Variants in MBTPS1 observed in about 807,000 individuals in gnomAD.
The protein encoded by MBTPS1 is membrane-bound transcription factor site-1 protease.
Under a neutral mutation model 127.8 loss-of-function variants are expected in MBTPS1, and 94 were observed. The ratio of observed to expected loss-of-function variants is 0.74; its 90% confidence interval spans 0.62 to 0.87. The LOEUF (loss-of-function observed/expected upper bound fraction) is 0.87. Among genes scored for constraint, MBTPS1 ranks in the 40% least tolerant of loss-of-function variants. The pLI is 0.00. For missense variants in MBTPS1, 1,636 were observed against 1,353.2 expected (o/e 1.21, Z -3.28); for synonymous variants, 632 against 509.4 (o/e 1.24, Z -3.24).
intron 9 of MBTPS1, chr16:84,085,866 A>G (rs1178674986): frequency 6.6e-6 from 1 of 152,154 alleles, no homozygotes; most frequent in Non-Finnish European, 1.5e-5. Flanking sequence ...AAAAAAACCC[A>G]AACATGTTTC....
chr16:84,101,893 G>T lies in MBTPS1; in HGVS notation c.-110C>A. ...CTAAAAGCTGCAACATTACTAATCA[G>T]CCATCTTACAGTCTTGCCCAACATA... On this transcript the variant is annotated 5_prime_UTR_variant, in exon 2 of 23. In the 5' UTR this introduces an upstream ATG that the reference lacks. Transcript: ENST00000343411. 2.1e-6 allele frequency: 2 copies of T among 968,274 alleles called. No homozygotes were observed. The highest frequency in any genetic ancestry group is 3.2e-6 in the Non-Finnish European group (2 of 630,462). 60.0% of individuals were successfully genotyped at this position (968,274 alleles called of 1,614,324 possible). A position where few individuals can be genotyped will look rare whatever the true frequency, so the allele number is the denominator to read the frequency against.
At chr16:84,087,644 C>T (rs2086049946) in intron 8 of MBTPS1, among the ~76,000 whole-genome samples, 184 bp from the exon 9 acceptor site, 1 of 152,142 alleles carries the variant, frequency 6.6e-6, no homozygotes, top group South Asian at 2.1e-4. Flanking sequence ...GATCCTGCCA[C>T]GTTCATGCTG....
rs71382894 is a variant in MBTPS1 at position 84,097,837 on chromosome 16, CGTGTGTGT to C, written c.421+1208_421+1215del. ...TTACTATGAAAATTAAACTTCTCTTCGTGTGTGTGTGTGTGTGTGTGTGTGTGTGTGTG... is the reference window on the plus strand; with the variant it reads ...TTACTATGAAAATTAAACTTCTCTTCGTGTGTGTGTGTGTGTGTGTGTGTG... On this transcript the variant is annotated intron_variant, in intron 3 of 22. Transcript: ENST00000343411. 1.1e-3 allele frequency among the ~76,000 whole-genome samples: 159 copies of C among 143,130 alleles called. 1 individual carries two copies. Among genetic ancestry groups the C allele is most frequent in the African/African-American group, 3.4e-3 (132 of 39,096 alleles). The allele number at this position is 143,130 out of a possible 152,430, so 93.9% of individuals were successfully genotyped here.
chr16:84,093,418 C>G, intron 5 of MBTPS1, 121 bp from the exon 6 acceptor site: 1 of 715,370 alleles, frequency 1.4e-6, no homozygotes. Flanking sequence ...AGGAGGGCCT[C>G]TGCTGCTGCT....
At chr16:84,083,477 G>A (rs533388828) in intron 10 of MBTPS1, among the ~76,000 whole-genome samples, 2 of 151,130 alleles carry the variant, frequency 1.3e-5, no homozygotes, top group Non-Finnish European at 2.9e-5. Flanking sequence ...TTTTGGTAGA[G>A]ATGAGGTCTC....
chr16:84,091,321 A>G (rs1458199402), intron 7 of MBTPS1, among the ~76,000 whole-genome samples: 1 of 152,018 alleles, frequency 6.6e-6, no homozygotes, highest in East Asian at 1.9e-4. Flanking sequence ...CCCCGTCTCT[A>G]CTAAAAATAG....
At chr16:84,065,309 G>C (rs563191332) in intron 18 of MBTPS1, among the ~76,000 whole-genome samples, 6 of 152,240 alleles carry the variant, frequency 3.9e-5, no homozygotes, top group Admixed American at 2.0e-4. Flanking sequence ...AGTAGAGACA[G>C]GGTTTCACTG....
chr16:84,060,660 G>A, intron 20 of MBTPS1, 22 bp downstream of exon 20: 2 of 1,608,228 alleles, frequency 1.2e-6, no homozygotes, highest in Non-Finnish European at 1.7e-6. Context: ...CCCTCCCCAA[G>A]GCATCCTGCC....
In MBTPS1 at chr16:84,054,350, C is replaced by T. The variant is rs546338843; in HGVS notation, c.*99G>A. On this transcript the variant is annotated 3_prime_UTR_variant, in exon 23 of 23. Coordinates refer to ENST00000343411, the MANE Select transcript of MBTPS1 (RefSeq NM_003791.4). ...ACTCTAACAAACCTGCAGCTGGAAA[C>T]TGGATCCCTTTTAAACCAGCCGCCA... 2.3e-5 allele frequency: 25 copies of T among 1,102,820 alleles called. No individual in the cohort carries two copies. In the African/African-American group the frequency reaches 3.2e-4, roughly 14 times the overall value. The allele number at this position is 1,102,820 out of a possible 1,614,324, so 68.3% of individuals were successfully genotyped here. A position where few individuals can be genotyped will look rare whatever the true frequency, so the allele number is the denominator to read the frequency against.
intron 16 of MBTPS1, 115 bp downstream of exon 16, chr16:84,067,552 G>A: frequency 1.2e-6 from 1 of 821,706 alleles, no homozygotes; most frequent in South Asian, 1.7e-5. Flanking sequence ...CTCTCTGAAT[G>A]TGTCTGTGCC....
At chr16:84,056,995 C>G (rs532884097) in intron 21 of MBTPS1, 9 of 152,216 alleles carry the variant, frequency 5.9e-5, no homozygotes, top group Non-Finnish European at 1.2e-4. Flanking sequence ...CTCTATTTTT[C>G]TGTTATTTAT....
In MBTPS1 at chr16:84,109,496, T is replaced by A. The variant is rs548857559; in HGVS notation, c.-325+7239A>T. ...CCAAGTTGTCCAAGGGAAGCAGTAA[T>A]GGGACACACGGAGCCAGGTCTACGA... On this transcript the variant is annotated intron_variant, in intron 1 of 22. Transcript: ENST00000343411. 3.3e-4 allele frequency: 50 copies of A among 152,248 alleles called. 1 individual carries two copies. The highest frequency in any genetic ancestry group is 1.1e-3 in the African/African-American group (44 of 41,532). 9.4% of individuals were successfully genotyped at this position (152,248 alleles called of 1,614,324 possible).
chr16:84,097,299 C>T (rs573162526), intron 3 of MBTPS1, among the ~76,000 whole-genome samples: 5 of 152,330 alleles, frequency 3.3e-5, no homozygotes, highest in African/African-American at 1.2e-4. Flanking sequence ...ATCTTGAACA[C>T]TCTACTAAGC....
At chr16:84,057,698 G>A (rs1353525479) in intron 21 of MBTPS1, 1 of 152,168 alleles carries the variant, frequency 6.6e-6, no homozygotes, top group Non-Finnish European at 1.5e-5. Flanking sequence ...AGGTCTCTGG[G>A]GACCGAGAAT....
At chr16:84,079,417 C>T (rs992668314) in intron 11 of MBTPS1, among the ~76,000 whole-genome samples, 2 of 152,114 alleles carry the variant, frequency 1.3e-5, no homozygotes, top group South Asian at 2.1e-4. Flanking sequence ...AAAAGGAATA[C>T]AAACACGAAT....
At chr16:84,109,177 G>C (rs1236241836) in intron 1 of MBTPS1, among the ~76,000 whole-genome samples, 2 of 152,212 alleles carry the variant, frequency 1.3e-5, no homozygotes, top group African/African-American at 4.8e-5. Context: ...GTAAGAACAA[G>C]ATGGGTTTGG....
chr16:84,114,769 G>A (rs910931904), intron 1 of MBTPS1, among the ~76,000 whole-genome samples: 2 of 145,904 alleles, frequency 1.4e-5, no homozygotes, highest in Non-Finnish European at 3.0e-5. Context: ...GGCAGAAGTT[G>A]CAGTGAGCCG....
chr16:84,095,866 C>G (rs1315456000), intron 3 of MBTPS1, 61 bp from the exon 4 acceptor site: 19 of 1,368,310 alleles, frequency 1.4e-5, no homozygotes, highest in Non-Finnish European at 2.0e-5. Flanking sequence ...CGATACCCGC[C>G]AGGCAAAACT....
Position 84,066,514 on chromosome 16 carries a change from C to T in MBTPS1, c.2328G>A (p.Gly776=). The change falls in exon 17 of 23, where the codon GGG becomes GGA. Residue 776 remains glycine (G), a synonymous_variant. Transcript: ENST00000343411. ...NMGFSDGLYE[G]EFTLANHDMY... Reference sequence around the variant, plus strand: ...TGTCATGGTTGGCCAGGGTGAACTCCCCTTCATACAGGCCATCGCTGAACC... The same window carrying T: ...TGTCATGGTTGGCCAGGGTGAACTCTCCTTCATACAGGCCATCGCTGAACC... 6.2e-7 allele frequency: 1 copy of T among 1,614,082 alleles called. No individual in the cohort carries two copies. Among genetic ancestry groups the T allele is most frequent in the African/African-American group, 1.3e-5 (1 of 75,014 alleles).
Sources: gnomAD v4.1 joint callset for allele counts (sites outside exome capture counted in the v4.1 genomes callset) on GRCh38, gnomAD v4.1.1 for gene constraint, MANE v1.5 for transcripts, NCBI Gene and HGNC (gene_info 2026-07-23, HGNC 2026-07-21) for gene names.